The following DCDC1 variants were observed in gnomAD, a reference collection of about 807,000 sequenced individuals.
DCDC1 encodes the protein doublecortin domain containing 1, also known as doublecortin domain-containing protein 1.
DCDC1 carries 200 observed loss-of-function variants against 178.3 expected under a neutral mutation model. The observed-to-expected ratio is 1.12, with a 90% confidence interval of 1.00 to 1.26. The LOEUF (loss-of-function observed/expected upper bound fraction) is 1.26, where lower values mean the gene tolerates loss of function less well. DCDC1 is among the 50% of genes most tolerant of loss of function. The probability of loss-of-function intolerance (pLI) is 0.00; values close to 1 mark genes in which losing one functional copy is unlikely to be tolerated. For missense variants in DCDC1, 1,983 were observed against 1,749.2 expected (o/e 1.13, Z -2.38); for synonymous variants, 690 against 604.8 (o/e 1.14, Z -2.07).
At chr11:30,964,405 T>A (rs575464391) in intron 20 of DCDC1, among the ~76,000 whole-genome samples, 1 of 152,266 alleles carries the variant, frequency 6.6e-6, no homozygotes, top group East Asian at 1.9e-4. Context: ...GTCATGGCTC[T>A]TTGGAATTTA....
At chr11:31,281,027 T>G in intron 7 of DCDC1, 1 of 534,512 alleles carries the variant, frequency 1.9e-6, no homozygotes. Context: ...GTTCCCGCTC[T>G]GAAGCTAGAC....
intron 9 of DCDC1, among the ~76,000 whole-genome samples, chr11:31,192,444 C>T (rs1038347825): frequency 7.2e-5 from 11 of 152,072 alleles, no homozygotes; most frequent in Non-Finnish European, 5.9e-5. Flanking sequence ...ATTTAGAAGT[C>T]CCCATATGCA....
At chr11:31,307,238 TAAC>T (rs528871041) in intron 4 of DCDC1, among the ~76,000 whole-genome samples, 1 of 152,364 alleles carries the variant, frequency 6.6e-6, no homozygotes, top group South Asian at 2.1e-4. Flanking sequence ...CAGTTTATGA[TAAC>T]AATTTGATGT....
chr11:31,305,528 A>G, intron 6 of DCDC1, 87 bp downstream of exon 6: 2 of 1,505,676 alleles, frequency 1.3e-6, no homozygotes, highest in Non-Finnish European at 9.0e-7. Flanking sequence ...ACCATGCAAA[A>G]AAGACAGGAT....
chr11:31,368,331 G>A (rs893490930), intron 1 of DCDC1, among the ~76,000 whole-genome samples: 1 of 152,158 alleles, frequency 6.6e-6, no homozygotes, highest in Admixed American at 6.5e-5. Flanking sequence ...TGGAGTACCG[G>A]AGCATATCTA....
Position 31,118,581 on chromosome 11 carries a change from C to T in DCDC1, c.1486-8220G>A, listed in dbSNP as rs78174648. Among the ~76,000 whole-genome samples, 6 of 152,224 alleles carry T rather than the reference C, an allele frequency of 3.9e-5. No homozygotes were observed. In the East Asian group the frequency reaches 1.2e-3, roughly 29 times the overall value. ...AGGAAAGGAATCTCAGCAACTTGAA[C>T]ATATCAAACACTCCGTGAAAAAGCT... On this transcript the variant is annotated intron_variant, in intron 11 of 38. Transcript: ENST00000684477.
chr11:31,246,194 G>A (rs1464250884), intron 8 of DCDC1, among the ~76,000 whole-genome samples: 1 of 151,884 alleles, frequency 6.6e-6, no homozygotes, highest in Non-Finnish European at 1.5e-5. Flanking sequence ...TTAATAACTT[G>A]CTTACAATAA....
intron 9 of DCDC1, among the ~76,000 whole-genome samples, chr11:31,219,257 C>G (rs1973972435): frequency 1.3e-5 from 2 of 151,970 alleles, no homozygotes; most frequent in Admixed American, 6.6e-5. Context: ...TAAAAAGAAG[C>G]TGGAGGGGAT....
intron 8 of DCDC1, among the ~76,000 whole-genome samples, chr11:31,246,442 C>T (rs979139296): frequency 6.6e-6 from 1 of 151,680 alleles, no homozygotes; most frequent in Non-Finnish European, 1.5e-5. Context: ...TGGGAATTTC[C>T]CACCAATTCA....
At chr11:30,956,151 T>C (rs1948758918) in intron 20 of DCDC1, among the ~76,000 whole-genome samples, 1 of 152,172 alleles carries the variant, frequency 6.6e-6, no homozygotes, top group South Asian at 2.1e-4. Context: ...CCTCTGAGCA[T>C]TCATGTTGGG....
intron 2 of DCDC1, among the ~76,000 whole-genome samples, chr11:31,330,284 A>G (rs1296800996): frequency 2.0e-5 from 3 of 152,118 alleles, no homozygotes; most frequent in African/African-American, 7.2e-5. Context: ...TTCTTTGTAG[A>G]TTCTGGATAT....
chr11:31,359,084 GTA>G (rs1951558399), intron 1 of DCDC1, among the ~76,000 whole-genome samples: 1 of 152,108 alleles, frequency 6.6e-6, no homozygotes, highest in African/African-American at 2.4e-5. Context: ...CCATTACTGG[GTA>G]TATACCCAAA....
At chr11:31,103,818 T>C (rs1958667506) in intron 13 of DCDC1, 49 bp from the exon 14 acceptor site, 1 of 745,594 alleles carries the variant, frequency 1.3e-6, no homozygotes, top group African/African-American at 1.7e-5. Flanking sequence ...TAGACATACA[T>C]TGTAATTTGA....
intron 32 of DCDC1, among the ~76,000 whole-genome samples, chr11:30,902,961 T>A (rs898356489): frequency 6.6e-6 from 1 of 152,028 alleles, no homozygotes; most frequent in South Asian, 2.1e-4. Flanking sequence ...ATGCAATAGA[T>A]GGATATTGAC....
intron 9 of DCDC1, among the ~76,000 whole-genome samples, chr11:31,151,910 G>A (rs1198318713): frequency 6.6e-6 from 1 of 152,090 alleles, no homozygotes; most frequent in East Asian, 1.9e-4. Flanking sequence ...ACAGCCTGGT[G>A]ACCGTAGTTA....
At chr11:31,078,331 T>G (rs1489408256) in intron 17 of DCDC1, among the ~76,000 whole-genome samples, 1 of 152,214 alleles carries the variant, frequency 6.6e-6, no homozygotes, top group East Asian at 1.9e-4. Context: ...ATTAGGAACC[T>G]CACGTGCCTA....
chr11:31,017,445 T>C (rs752315436), intron 20 of DCDC1, among the ~76,000 whole-genome samples: 6 of 152,076 alleles, frequency 3.9e-5, no homozygotes, highest in Non-Finnish European at 5.9e-5. Flanking sequence ...TAATATTTAA[T>C]ACATACAACA....
At chr11:31,133,690 T>C (rs949669330) in intron 10 of DCDC1, among the ~76,000 whole-genome samples, 2 of 152,042 alleles carry the variant, frequency 1.3e-5, no homozygotes, top group Non-Finnish European at 2.9e-5. Context: ...CAAATTTTTG[T>C]GGGTTTTTTT....
In DCDC1 at chr11:30,925,349, T is replaced by C. The variant is rs1179234369; in HGVS notation, c.2957A>G (p.Lys986Arg). The stretch of plus-strand genomic sequence containing the variant: ...CAGGTCTTTTAAGGCAAATATTTCC[T>C]TCCCCTTTTCATTGTACAATCTCCG... The part of the protein sequence containing the change: ...AARRLYNEKG[K>R]EIFALKDLQR... The change falls in exon 23 of 39, where the codon AAG becomes AGG. Residue 986 changes from lysine (K) to arginine (R), a missense_variant. By Grantham distance (26) the Lys-to-Arg change is conservative (BLOSUM62 2). Transcript: ENST00000684477. The C allele has an allele frequency of 6.2e-7, 1 of 1,613,814 alleles. No individual in the cohort carries two copies. The highest frequency in any genetic ancestry group is 8.5e-7 in the Non-Finnish European group (1 of 1,179,784).
Sources: allele counts gnomAD v4.1 joint callset (sites outside exome capture counted in the v4.1 genomes callset), GRCh38; gene constraint gnomAD v4.1.1; transcripts MANE v1.5; gene names NCBI Gene and HGNC (gene_info 2026-07-23, HGNC 2026-07-21).